The following DPP10 variants were observed in gnomAD, a reference collection of about 807,000 sequenced individuals.
The protein encoded by DPP10 is inactive dipeptidyl peptidase 10.
A neutral mutation model predicts 120.9 loss-of-function variants in DPP10; 33 were observed. The ratio of observed to expected loss-of-function variants is 0.27; its 90% CI spans 0.21 to 0.37. The LOEUF (loss-of-function observed/expected upper bound fraction) is 0.37. Ranked by LOEUF, DPP10 falls within the 10% of genes least tolerant of loss-of-function variation. DPP10 has a pLI of 1.00. For missense variants in DPP10, 816 were observed against 942.8 expected (o/e 0.87, Z 1.76); for synonymous variants, 337 against 326.1 (o/e 1.03, Z -0.36).
chr2:115,481,171 C>T lies in DPP10; in HGVS notation c.272-18339C>T, dbSNP rs551138807. ...CAACTGCATGCTTCACATTTGCCTC[C>T]AGTAATTCAAGAAGAGATGAAGTGC... On this transcript the variant is annotated intron_variant, in intron 3 of 25. Transcript: ENST00000410059. 7.0e-4 allele frequency among the ~76,000 whole-genome samples: 107 copies of T among 152,142 alleles called. 1 individual carries two copies. In the Middle Eastern group the frequency reaches 0.017, roughly 24 times the overall value.
At chr2:115,797,927 ATATATATGTG>A (rs1459917857) in intron 19 of DPP10, among the ~76,000 whole-genome samples, 1 of 146,586 alleles carries the variant, frequency 6.8e-6, no homozygotes, top group African/African-American at 2.5e-5. Flanking sequence ...ACTGGAATAT[ATATATATGTG>A]TATATATGTG....
intron 1 of DPP10, among the ~76,000 whole-genome samples, chr2:114,736,595 A>C (rs1473019460): frequency 6.6e-6 from 1 of 152,202 alleles, no homozygotes; most frequent in Non-Finnish European, 1.5e-5. Context: ...CTGGATAGTA[A>C]ATTTTCTGAA....
At position 115,292,695 on chromosome 2, in the gene DPP10, A is replaced by G. The variant is rs554747888; in HGVS notation, c.61-16544A>G. 5.3e-5 allele frequency among the ~76,000 whole-genome samples: 8 copies of G among 152,220 alleles called. No individual in the cohort carries two copies. In the East Asian group the frequency reaches 1.2e-3, roughly 22 times the overall value. On this transcript the variant is annotated intron_variant, in intron 1 of 25. Coordinates refer to ENST00000410059, the MANE Select transcript of DPP10 (RefSeq NM_020868.6). ...TACATCACAAGTATAGCCTATTATT[A>G]TTGTTGTTGTTATTGATGATGCTAT... is the stretch of plus-strand genomic sequence containing the variant.
chr2:115,108,588 A>G (rs2049061392), intron 1 of DPP10, among the ~76,000 whole-genome samples: 1 of 152,242 alleles, frequency 6.6e-6, no homozygotes, highest in Non-Finnish European at 1.5e-5. Flanking sequence ...CAGTAAGCCA[A>G]TTTAAAACCT....
intron 5 of DPP10, among the ~76,000 whole-genome samples, chr2:115,571,226 C>G (rs2081319322): frequency 1.3e-5 from 2 of 152,176 alleles, no homozygotes; most frequent in African/African-American, 4.8e-5. Context: ...TTGCCAACAT[C>G]TTTTTTCTCC....
At chr2:114,685,499 G>C (rs554056661) in intron 1 of DPP10, among the ~76,000 whole-genome samples, 1 of 152,084 alleles carries the variant, frequency 6.6e-6, no homozygotes, top group East Asian at 1.9e-4. Context: ...TCTGAAGCCT[G>C]AGACAATTTT....
intron 1 of DPP10, among the ~76,000 whole-genome samples, chr2:114,636,696 G>A (rs866694242): frequency 5.9e-5 from 9 of 151,962 alleles, no homozygotes; most frequent in Middle Eastern, 3.4e-3. Context: ...TTTCTGCTAC[G>A]GATGCAGACT....
intron 7 of DPP10, among the ~76,000 whole-genome samples, chr2:115,704,910 T>G (rs1409648175): frequency 6.6e-6 from 1 of 151,978 alleles, no homozygotes; most frequent in African/African-American, 2.4e-5. Context: ...TAAAGGTTTC[T>G]TTTTCTTTTT....
rs1687502894 is a variant in DPP10 at position 114,834,644 on chromosome 2, A to C, written c.60+391806A>C. On this transcript the variant is annotated intron_variant, in intron 1 of 25. Transcript: ENST00000410059. ...ACCTATGTATATATAAGCCATATCT[A>C]CACACCTATGTATATATATAGGCCA... is the stretch of plus-strand genomic sequence containing the variant. Among the ~76,000 whole-genome samples the C allele has an allele frequency of 2.3e-5, 3 of 131,584 alleles. 1 individual carries two copies. The highest frequency in any genetic ancestry group is 1.6e-5 in the Non-Finnish European group (1 of 61,952). The allele number at this position is 131,584 out of a possible 152,430, so 86.3% of individuals were successfully genotyped here.
intron 5 of DPP10, among the ~76,000 whole-genome samples, chr2:115,677,542 G>T (rs1036113097): frequency 5.3e-5 from 8 of 152,188 alleles, no homozygotes; most frequent in African/African-American, 1.9e-4. Context: ...CACTTCATTT[G>T]TAAGGATACA....
At chr2:115,048,150 G>T (rs1010883164) in intron 1 of DPP10, among the ~76,000 whole-genome samples, 13 of 152,082 alleles carry the variant, frequency 8.5e-5, no homozygotes, top group Admixed American at 3.3e-4. Context: ...ACAGCGTATT[G>T]TATATGTACA....
At chr2:114,833,308 C>CA (rs960300616) in intron 1 of DPP10, 1 of 150,480 alleles carries the variant, frequency 6.6e-6, no homozygotes, top group African/African-American at 2.4e-5. Context: ...ATTGATCAAG[C>CA]AAAAAAATGT....
At chr2:115,024,361 T>G (rs1703299785) in intron 1 of DPP10, among the ~76,000 whole-genome samples, 1 of 152,080 alleles carries the variant, frequency 6.6e-6, no homozygotes, top group African/African-American at 2.4e-5. Context: ...CATTCTTTTC[T>G]TTGTTCCTGG....
chr2:114,533,753 T>G (rs989486693), intron 1 of DPP10, among the ~76,000 whole-genome samples: 2 of 152,198 alleles, frequency 1.3e-5, no homozygotes, highest in African/African-American at 4.8e-5. Flanking sequence ...CAGAAATAAT[T>G]TTCCTTCAAA....
intron 3 of DPP10, among the ~76,000 whole-genome samples, chr2:115,354,682 C>T (rs553007203): frequency 2.8e-4 from 42 of 151,396 alleles, no homozygotes; most frequent in Non-Finnish European, 5.3e-4. Context: ...CTGATTTGTC[C>T]TCTAAGTTCC....
intron 1 of DPP10, among the ~76,000 whole-genome samples, chr2:114,964,381 C>T (rs559950201): frequency 2.6e-5 from 4 of 151,694 alleles, no homozygotes; most frequent in Admixed American, 6.6e-5. Context: ...AAACGTAAAA[C>T]GAAATGCTGC....
At chr2:114,653,763 C>T (rs1696781762) in intron 1 of DPP10, among the ~76,000 whole-genome samples, 1 of 152,148 alleles carries the variant, frequency 6.6e-6, no homozygotes, top group Admixed American at 6.6e-5. Context: ...GGAGAGCTAT[C>T]TATTTGTGTA....
At chr2:115,604,471 T>C (rs2083567072) in intron 5 of DPP10, among the ~76,000 whole-genome samples, 1 of 152,160 alleles carries the variant, frequency 6.6e-6, no homozygotes, top group South Asian at 2.1e-4. Flanking sequence ...CTATTTTAGC[T>C]CATTCAATAG....
At chr2:115,830,564 C>A (rs1688817238) in intron 21 of DPP10, among the ~76,000 whole-genome samples, 2 of 152,062 alleles carry the variant, frequency 1.3e-5, no homozygotes, top group African/African-American at 4.8e-5. Flanking sequence ...GAAGAAAAGT[C>A]TTTCTTTACT....
Sources: gnomAD v4.1 joint callset for allele counts (sites outside exome capture counted in the v4.1 genomes callset) on GRCh38, gnomAD v4.1.1 for gene constraint, MANE v1.5 for transcripts, NCBI Gene and HGNC (gene_info 2026-07-23, HGNC 2026-07-21) for gene names.